The following SFMBT1 variants were observed in gnomAD, a reference collection of about 807,000 sequenced individuals.
SFMBT1 encodes scm-like with four MBT domains protein 1.
In SFMBT1, 32 loss-of-function variants were observed where a neutral mutation model predicts 108.7. That is an observed-to-expected ratio of 0.29 (90% CI 0.22 to 0.40). The LOEUF is 0.40. Ranked by LOEUF, SFMBT1 falls within the 10% of genes least tolerant of loss-of-function variation. The pLI is 1.00. For synonymous variants in SFMBT1, 348 were observed against 369.5 expected, an observed-to-expected ratio of 0.94 and a Z score of 0.67; for missense variants, 816 against 1,059.6, an observed-to-expected ratio of 0.77 and a Z score of 3.19.
chr3:52,952,129 C>A (rs1024529563), intron 3 of SFMBT1, among the ~76,000 whole-genome samples: 2 of 152,056 alleles, frequency 1.3e-5, no homozygotes, highest in Non-Finnish European at 2.9e-5. Context: ...GAGGCTGAGG[C>A]GGGCGGATCA....
intron 1 of SFMBT1, among the ~76,000 whole-genome samples, chr3:53,041,791 T>TC (rs952639496): frequency 7.0e-6 from 1 of 143,432 alleles, no homozygotes; most frequent in African/African-American, 2.5e-5. Flanking sequence ...AAAATCCCAC[T>TC]CCCCAAACTC....
chr3:52,981,729 G>C (rs577575919), intron 1 of SFMBT1, among the ~76,000 whole-genome samples: 28 of 151,962 alleles, frequency 1.8e-4, no homozygotes, highest in African/African-American at 6.8e-4. Flanking sequence ...GGGAAAATGT[G>C]CTACAAAGGA....
rs1575361200 is a variant in SFMBT1, at chr3:52,905,131, C to A, written c.*5G>T. On this transcript the variant is annotated 3_prime_UTR_variant, in exon 21 of 21. Coordinates refer to ENST00000394752, the MANE Select transcript of SFMBT1 (RefSeq NM_016329.4). The stretch of plus-strand genomic sequence containing the variant: ...CAAAGATCCAGCTCACTTTGGTTGT[C>A]CTTCTCAGTTGGCAAACTGCTCATA... 3.7e-6 allele frequency: 6 copies of A among 1,613,038 alleles called. No individual in the cohort carries two copies. Among genetic ancestry groups the A allele is most frequent in the African/African-American group, 1.3e-5 (1 of 74,874 alleles).
intron 2 of SFMBT1, among the ~76,000 whole-genome samples, chr3:52,957,676 T>G (rs1376092948): frequency 6.6e-6 from 1 of 152,180 alleles, no homozygotes; most frequent in African/African-American, 2.4e-5. Context: ...CATCTGATTT[T>G]CAACAAACCT....
intron 2 of SFMBT1, among the ~76,000 whole-genome samples, chr3:52,959,096 G>A (rs150822445): frequency 5.3e-5 from 8 of 151,878 alleles, no homozygotes; most frequent in East Asian, 3.9e-4. Flanking sequence ...TGGACACATC[G>A]GGGGGAAAAG....
chr3:52,916,760 T>C (rs1702370221), intron 13 of SFMBT1, among the ~76,000 whole-genome samples: 1 of 152,002 alleles, frequency 6.6e-6, no homozygotes, highest in Non-Finnish European at 1.5e-5. Context: ...ATATAGGGCA[T>C]AATGAGCCAA....
rs1194531535 is a variant in SFMBT1 at position 52,910,135 on chromosome 3, G to T, written c.1906+868C>A. On this transcript the variant is annotated intron_variant, in intron 17 of 20. Transcript: ENST00000394752. ...CCAGCCTTCCTCACTGTCCTATTTTGCTTGCCCACCTTGCTTCACTGTTCC... is the reference window on the plus strand; with the variant it reads ...CCAGCCTTCCTCACTGTCCTATTTTTCTTGCCCACCTTGCTTCACTGTTCC... Among the ~76,000 whole-genome samples the T allele has an allele frequency of 5.3e-5, 8 of 151,888 alleles. No individual in the cohort carries two copies. The East Asian group carries it at 1.4e-3, about 26-fold the overall frequency.
At chr3:53,010,371 G>C (rs1215081353) in intron 1 of SFMBT1, among the ~76,000 whole-genome samples, 4 of 152,238 alleles carry the variant, frequency 2.6e-5, no homozygotes, top group African/African-American at 9.6e-5. Flanking sequence ...GGCATCAAGA[G>C]AGAGCAGCTG....
chr3:52,910,924 G>C (rs907670561), intron 17 of SFMBT1, 79 bp downstream of exon 17: 13 of 1,323,148 alleles, frequency 9.8e-6, no homozygotes, highest in Non-Finnish European at 1.4e-5. Flanking sequence ...ATATATGAAT[G>C]TCTGTAAAGT....
At chr3:52,950,747 T>C (rs555967593) in intron 3 of SFMBT1, among the ~76,000 whole-genome samples, 119 of 152,242 alleles carry the variant, frequency 7.8e-4, no homozygotes, top group South Asian at 5.0e-3. Flanking sequence ...GTGCTGGGAT[T>C]ACAGGCGTGA....
intron 1 of SFMBT1, among the ~76,000 whole-genome samples, chr3:53,004,457 G>C (rs1009750061): frequency 3.3e-5 from 5 of 149,736 alleles, no homozygotes; most frequent in Non-Finnish European, 7.5e-5. Flanking sequence ...ATTTTTAGTA[G>C]AGAAGGGGTT....
intron 3 of SFMBT1, among the ~76,000 whole-genome samples, chr3:52,951,762 G>A (rs1703602689): frequency 6.6e-6 from 1 of 152,178 alleles, no homozygotes; most frequent in South Asian, 2.1e-4. Context: ...ATGCCTTTAA[G>A]CGGTTTTCTG....
At chr3:52,906,884 T>A (rs17052636) in intron 19 of SFMBT1, among the ~76,000 whole-genome samples, 185 bp downstream of exon 19, 2,612 of 152,284 alleles carry the variant, frequency 0.017, 72 homozygotes, top group African/African-American at 0.059. Context: ...TATAAGTAGA[T>A]GATCTCAACT....
intron 1 of SFMBT1, among the ~76,000 whole-genome samples, chr3:52,975,508 G>GT (rs1704487845): frequency 6.6e-6 from 1 of 152,164 alleles, no homozygotes; most frequent in Non-Finnish European, 1.5e-5. Context: ...GGGCAATATA[G>GT]TAAGACCTCA....
rs200412876 is a variant in SFMBT1, at chr3:52,907,204, T to C, written c.2196A>G (p.Ser732=). ...GAGAAGAGGAGCATGACTTTTTTTC[T>C]GACATTTCTGATTCTTCCTGTAGCT... is the stretch of plus-strand genomic sequence containing the variant. ...QDELQEESEM[S]EKKSCSSSPT... The change falls in exon 19 of 21, where the codon TCA becomes TCG. Residue 732 remains serine (S), a synonymous_variant. Transcript: ENST00000394752. The C allele has an allele frequency of 1.7e-5, 27 of 1,614,152 alleles. No individual in the cohort carries two copies. The highest frequency in any genetic ancestry group is 2.3e-5 in the Non-Finnish European group (27 of 1,180,024).
intron 1 of SFMBT1, chr3:53,045,352 G>C (rs1294187593): frequency 1.4e-5 from 2 of 144,062 alleles, no homozygotes; most frequent in East Asian, 4.1e-4. Context: ...GGTCCGCGGG[G>C]GCTCGGCGGG....
rs1704500252 is a variant in SFMBT1, at chr3:52,975,843, T to C, written c.-130-6585A>G. On this transcript the variant is annotated intron_variant, in intron 1 of 20. Coordinates refer to ENST00000394752, the MANE Select transcript of SFMBT1 (RefSeq NM_016329.4). Reference sequence around the variant, plus strand: ...TCTCGAACTCCTGACCTCAGGTGAGTTGATCTGCTCTTGCCTCAGACTCCC... The same window carrying C: ...TCTCGAACTCCTGACCTCAGGTGAGCTGATCTGCTCTTGCCTCAGACTCCC... Among the ~76,000 whole-genome samples the C allele has an allele frequency of 2.0e-5, 3 of 151,764 alleles. No individual in the cohort carries two copies. The South Asian group carries it at 6.2e-4, about 32-fold the overall frequency.
chr3:52,987,052 C>A (rs988968505), intron 1 of SFMBT1, among the ~76,000 whole-genome samples: 2 of 152,144 alleles, frequency 1.3e-5, no homozygotes, highest in African/African-American at 4.8e-5. Context: ...TAGGACTACA[C>A]ACGACCAGGA....
intron 4 of SFMBT1, among the ~76,000 whole-genome samples, chr3:52,937,659 G>A (rs1255444914): frequency 2.0e-5 from 3 of 151,270 alleles, no homozygotes; most frequent in Non-Finnish European, 4.4e-5. Context: ...CTCAGCTCAC[G>A]GCAACCTCCG....
Sources: gnomAD v4.1 joint callset for allele counts (sites outside exome capture counted in the v4.1 genomes callset) on GRCh38, gnomAD v4.1.1 for gene constraint, MANE v1.5 for transcripts, NCBI Gene and HGNC (gene_info 2026-07-23, HGNC 2026-07-21) for gene names.